The following FER variants were observed in gnomAD, a reference collection of about 807,000 sequenced individuals.
The protein encoded by FER is FER tyrosine kinase.
Under a neutral mutation model 111.0 loss-of-function variants are expected in FER, and 63 were observed. The ratio of observed to expected loss-of-function variants is 0.57; its 90% confidence interval spans 0.46 to 0.70. FER has a LOEUF of 0.70. Among genes scored for constraint, FER ranks in the 30% least tolerant of loss-of-function variants. The pLI is 0.00. For synonymous variants in FER, 327 were observed against 313.9 expected, an observed-to-expected ratio of 1.04 and a Z score of -0.44; for missense variants, 914 against 954.0, an observed-to-expected ratio of 0.96 and a Z score of 0.55.
intron 10 of FER, among the ~76,000 whole-genome samples, chr5:108,923,171 G>A (rs904722486): frequency 1.3e-5 from 2 of 151,802 alleles, no homozygotes; most frequent in African/African-American, 2.4e-5. Flanking sequence ...ACCCTATATT[G>A]TCTTTTATTG....
intron 2 of FER, among the ~76,000 whole-genome samples, chr5:108,778,909 C>T (rs1753762815): frequency 6.6e-6 from 1 of 151,914 alleles, no homozygotes; most frequent in South Asian, 2.1e-4. Context: ...AAATTTTCTC[C>T]TATGTTGTCC....
At chr5:108,789,311 CT>C (rs1209666644) in intron 2 of FER, among the ~76,000 whole-genome samples, 1 of 151,922 alleles carries the variant, frequency 6.6e-6, no homozygotes, top group African/African-American at 2.4e-5. Flanking sequence ...GGCATGCCAT[CT>C]CCCACTACTT....
At chr5:108,846,802 C>T (rs1762076370) in intron 5 of FER, among the ~76,000 whole-genome samples, 1 of 152,058 alleles carries the variant, frequency 6.6e-6, no homozygotes, top group Non-Finnish European at 1.5e-5. Flanking sequence ...CCATGATGGT[C>T]TCGATCTCCT....
intron 14 of FER, among the ~76,000 whole-genome samples, chr5:109,043,695 A>T (rs554736938): frequency 3.3e-5 from 5 of 152,256 alleles, no homozygotes; most frequent in African/African-American, 1.2e-4. Context: ...TGCATATGCC[A>T]GGTGTGGTGG....
At chr5:108,878,046 C>T (rs777270749) in intron 8 of FER, among the ~76,000 whole-genome samples, 7 of 151,952 alleles carry the variant, frequency 4.6e-5, no homozygotes, top group African/African-American at 9.7e-5. Flanking sequence ...ATTGGAACTA[C>T]GGGTGTGCAC....
chr5:108,821,112 A>C (rs1268811873), intron 3 of FER, among the ~76,000 whole-genome samples: 1 of 152,084 alleles, frequency 6.6e-6, no homozygotes, highest in Non-Finnish European at 1.5e-5. Context: ...ACTACGTCTC[A>C]AAAAAAATAA....
chr5:108,800,135 C>G (rs184110472), intron 3 of FER, among the ~76,000 whole-genome samples: 1 of 152,242 alleles, frequency 6.6e-6, no homozygotes, highest in East Asian at 1.9e-4. Flanking sequence ...CCTCATAAAT[C>G]TTGACCTCCC....
chr5:108,970,492 T>A (rs1190398740), intron 13 of FER, among the ~76,000 whole-genome samples: 2 of 152,166 alleles, frequency 1.3e-5, no homozygotes, highest in African/African-American at 4.8e-5. Flanking sequence ...AGTGCTGGGA[T>A]TACAGGCGTG....
chr5:109,035,584 G>A (rs1770273389), intron 13 of FER, among the ~76,000 whole-genome samples: 1 of 152,172 alleles, frequency 6.6e-6, no homozygotes, highest in Admixed American at 6.5e-5. Flanking sequence ...TACAAATAGA[G>A]CTGCTTCCAG....
At chr5:108,753,878 G>A (rs1750774655) in intron 1 of FER, among the ~76,000 whole-genome samples, 1 of 152,090 alleles carries the variant, frequency 6.6e-6, no homozygotes, top group Non-Finnish European at 1.5e-5. Context: ...AGTCCATATG[G>A]TCTCATCCAG....
At chr5:108,842,231 A>T (rs1202725403) in intron 5 of FER, 1 of 152,220 alleles carries the variant, frequency 6.6e-6, no homozygotes, top group East Asian at 1.9e-4. Flanking sequence ...GTACATGGAG[A>T]TATTGAACAA....
chr5:108,897,893 C>T (rs1749386986), intron 10 of FER, 45 bp downstream of exon 10: 1 of 1,492,360 alleles, frequency 6.7e-7, no homozygotes, highest in African/African-American at 1.4e-5. Context: ...AGAGTAGTGT[C>T]TAGGTAATAA....
At chr5:108,901,713 A>T (rs942093338) in intron 10 of FER, among the ~76,000 whole-genome samples, 5 of 152,140 alleles carry the variant, frequency 3.3e-5, no homozygotes, top group African/African-American at 1.2e-4. Context: ...GCATTTTGGG[A>T]GGCTGAGGTG....
intron 17 of FER, among the ~76,000 whole-genome samples, chr5:109,120,884 C>A (rs552867649): frequency 4.3e-4 from 66 of 151,910 alleles, no homozygotes; most frequent in African/African-American, 1.6e-3. Context: ...TTCTTGATTT[C>A]TTTTTCAACT....
intron 2 of FER, among the ~76,000 whole-genome samples, chr5:108,781,604 G>A (rs1754084086): frequency 6.6e-6 from 1 of 152,190 alleles, no homozygotes; most frequent in Non-Finnish European, 1.5e-5. Context: ...TGGCAGTAAG[G>A]TGTTGGGGGA....
intron 17 of FER, among the ~76,000 whole-genome samples, chr5:109,112,355 A>G (rs896556543): frequency 8.5e-5 from 13 of 152,204 alleles, no homozygotes; most frequent in African/African-American, 3.1e-4. Flanking sequence ...TTTGAATGGG[A>G]TAAATGTAGA....
chr5:109,169,129 C>A (rs923537504), intron 17 of FER, among the ~76,000 whole-genome samples: 1 of 152,044 alleles, frequency 6.6e-6, no homozygotes, highest in South Asian at 2.1e-4. Context: ...AAATGAATAA[C>A]AATCATGGAA....
intron 13 of FER, among the ~76,000 whole-genome samples, chr5:108,967,759 C>CAAAAAA (rs774855414): frequency 0.04 from 1,380 of 34,396 alleles, 161 homozygotes; most frequent in African/African-American, 0.093. Flanking sequence ...GACTCCGTCT[C>CAAAAAA]AAAAAAAAAA....
At chr5:108,865,717 A>G (rs961895888) in intron 5 of FER, among the ~76,000 whole-genome samples, 1 of 152,210 alleles carries the variant, frequency 6.6e-6, no homozygotes, top group Non-Finnish European at 1.5e-5. Flanking sequence ...AGAATCTACA[A>G]TGAACTCAAA....
Sources: gnomAD v4.1 joint callset for allele counts (sites outside exome capture counted in the v4.1 genomes callset) on GRCh38, gnomAD v4.1.1 for gene constraint, MANE v1.5 for transcripts, NCBI Gene and HGNC (gene_info 2026-07-23, HGNC 2026-07-21) for gene names.